Variants in AHCTF1 observed in about 807,000 individuals in gnomAD.
The protein encoded by AHCTF1 is AT-hook containing transcription factor 1, also known as protein ELYS.
In AHCTF1, 24 loss-of-function variants were observed where a neutral mutation model predicts 248.4. The observed-to-expected ratio is 0.10, with a 90% CI of 0.07 to 0.14. AHCTF1 has a LOEUF of 0.14. AHCTF1 is among the 10% of genes least tolerant of loss of function. The pLI, the probability that AHCTF1 is intolerant of heterozygous loss-of-function variation, is 1.00. For missense variants in AHCTF1, 2,206 were observed against 2,636.2 expected, an observed-to-expected ratio of 0.84 and a Z score of 3.57; for synonymous variants, 786 against 929.8, an observed-to-expected ratio of 0.85 and a Z score of 2.81.
chr1:246,867,929 G>A (rs547750705), intron 24 of AHCTF1, 118 bp from the exon 25 acceptor site: 3 of 331,714 alleles, frequency 9.0e-6, no homozygotes, highest in Non-Finnish European at 1.4e-5. Context: ...ACATTACGTG[G>A]TAATACTAGC....
intron 13 of AHCTF1, 104 bp from the exon 14 acceptor site, chr1:246,894,852 A>G: frequency 2.2e-6 from 2 of 902,086 alleles, no homozygotes; most frequent in Non-Finnish European, 3.5e-6. Flanking sequence ...AACCGAGTGA[A>G]CATCAACACT....
At chr1:246,919,479 T>C (rs1487563719) in intron 1 of AHCTF1, among the ~76,000 whole-genome samples, 1 of 150,370 alleles carries the variant, frequency 6.7e-6, no homozygotes, top group Non-Finnish European at 1.5e-5. Context: ...TTTGGGAGGC[T>C]GAGGCAGGCG....
In AHCTF1 at chr1:246,839,859, T is replaced by C. The variant is rs1284644598; in HGVS notation, c.*947A>G. On this transcript the variant is annotated 3_prime_UTR_variant, in exon 36 of 36. Coordinates refer to ENST00000648844, the MANE Select transcript of AHCTF1 (RefSeq NM_001323342.2). Reference sequence around the variant, plus strand: ...TAGAGAACAGGGCGTGTGTTGTTTTTCTCCTTTTCTACATCTACTCACTCT... The same window carrying C: ...TAGAGAACAGGGCGTGTGTTGTTTTCCTCCTTTTCTACATCTACTCACTCT... The C allele has an allele frequency of 6.6e-6, 1 of 152,656 alleles. No homozygotes were observed. The highest frequency in any genetic ancestry group is 1.5e-5 in the Non-Finnish European group (1 of 68,054). The allele number at this position is 152,656 out of a possible 1,614,324, so 9.5% of individuals were successfully genotyped here.
chr1:246,923,740 CGTGT>C (rs74456165), intron 1 of AHCTF1, among the ~76,000 whole-genome samples: 41,928 of 151,346 alleles, frequency 0.28, 5,972 homozygotes, highest in Admixed American at 0.32. Flanking sequence ...TGCGTGCATG[CGTGT>C]GTGTGTGTGT....
intron 1 of AHCTF1, among the ~76,000 whole-genome samples, chr1:246,928,088 T>C (rs528812461): frequency 2.0e-5 from 3 of 151,964 alleles, no homozygotes; most frequent in South Asian, 2.1e-4. Flanking sequence ...GATCACGAGG[T>C]CAGGAGATCG....
Position 246,877,342 on chromosome 1 carries a change from C to A in AHCTF1, c.2661-40G>T, listed in dbSNP as rs371036535. Reference sequence around the variant, plus strand: ...TATCAAAGTTTAGTTTTAGAAAAAGCTATTTAAATGTACAAAACAAGAAAT... The same window carrying A: ...TATCAAAGTTTAGTTTTAGAAAAAGATATTTAAATGTACAAAACAAGAAAT... On this transcript the variant is annotated intron_variant, in intron 21 of 35. Coordinates refer to ENST00000648844, the MANE Select transcript of AHCTF1 (RefSeq NM_001323342.2). 39 of 1,512,324 alleles carry A rather than the reference C, an allele frequency of 2.6e-5. 1 individual carries two copies. The African/African-American group carries it at 3.9e-4, about 15-fold the overall frequency. The allele number at this position is 1,512,324 out of a possible 1,614,324, so 93.7% of individuals were successfully genotyped here.
intron 24 of AHCTF1, among the ~76,000 whole-genome samples, chr1:246,869,787 A>G (rs1433076540): frequency 6.6e-6 from 1 of 152,184 alleles, no homozygotes; most frequent in East Asian, 1.9e-4. Flanking sequence ...CTGATGATGT[A>G]CAGGGAGACG....
chr1:246,905,473 G>A (rs1467138060), intron 6 of AHCTF1, 68 bp downstream of exon 6: 2 of 1,312,176 alleles, frequency 1.5e-6, no homozygotes, highest in African/African-American at 2.9e-5. Context: ...CTCCAGCCTG[G>A]ACAACAGAGC....
intron 2 of AHCTF1, among the ~76,000 whole-genome samples, chr1:246,916,923 A>G (rs147142698): frequency 6.6e-6 from 1 of 152,332 alleles, no homozygotes; most frequent in Non-Finnish European, 1.5e-5. Context: ...TTCTATCCCT[A>G]AAGAGTTCAC....
intron 26 of AHCTF1, among the ~76,000 whole-genome samples, chr1:246,865,921 A>T (rs536873977): frequency 3.3e-4 from 51 of 152,298 alleles, no homozygotes; most frequent in African/African-American, 1.2e-3. Context: ...TATTTAAAAA[A>T]TTGATTTATG....
intron 20 of AHCTF1, 89 bp downstream of exon 20, chr1:246,887,122 C>G: frequency 7.0e-7 from 1 of 1,423,978 alleles, no homozygotes; most frequent in Non-Finnish European, 9.5e-7. Context: ...TAGACTGTAT[C>G]ATATCTTTTA....
In AHCTF1 at chr1:246,890,945, A is replaced by G; in HGVS notation, c.2050+11T>C. The G allele has an allele frequency of 6.8e-7, 1 of 1,479,008 alleles. No individual in the cohort carries two copies. The highest frequency in any genetic ancestry group is 1.4e-5 in the African/African-American group (1 of 69,676). The allele number at this position is 1,479,008 out of a possible 1,614,324, so 91.6% of individuals were successfully genotyped here. On this transcript the variant is annotated intron_variant, in intron 16 of 35. Transcript: ENST00000648844. ...TTTAATTAATACTTATAGATTAAGT[A>G]AATATTTTACCTATGCCTTCTGGTA...
chr1:246,859,688 C>T (rs963399699), intron 29 of AHCTF1, among the ~76,000 whole-genome samples: 1 of 152,156 alleles, frequency 6.6e-6, no homozygotes, highest in African/African-American at 2.4e-5. Context: ...CGATCCTCCC[C>T]TCTCAGTGTC....
chr1:246,860,468 G>A (rs1661454728), intron 29 of AHCTF1, among the ~76,000 whole-genome samples: 1 of 152,048 alleles, frequency 6.6e-6, no homozygotes, highest in African/African-American at 2.4e-5. Context: ...ATGAAACAAT[G>A]TAAGCCACAC....
intron 13 of AHCTF1, among the ~76,000 whole-genome samples, chr1:246,895,529 C>A (rs1664512318): frequency 6.6e-6 from 1 of 152,012 alleles, no homozygotes. Flanking sequence ...TGCATAATTC[C>A]ATTTATGAAC....
chr1:246,923,937 C>A (rs979429591), intron 1 of AHCTF1, among the ~76,000 whole-genome samples: 1 of 152,158 alleles, frequency 6.6e-6, no homozygotes, highest in Non-Finnish European at 1.5e-5. Flanking sequence ...GAGAAGAGGG[C>A]CATGTTTCAG....
Position 246,885,474 on chromosome 1 carries a change from T to C in AHCTF1, c.2660+19A>G. The C allele has an allele frequency of 6.4e-7, 1 of 1,564,420 alleles. No individual in the cohort carries two copies. Among genetic ancestry groups the C allele is most frequent in the Non-Finnish European group, 8.7e-7 (1 of 1,147,142 alleles). On this transcript the variant is annotated intron_variant, in intron 21 of 35. Transcript: ENST00000648844. ...AACAGATACGATAAAGACTTTATAGTTTCAAAAGATGTACTTACCTATTAA... is the reference window on the plus strand; with the variant it reads ...AACAGATACGATAAAGACTTTATAGCTTCAAAAGATGTACTTACCTATTAA...
chr1:246,848,833 G>C (rs1330631890), intron 33 of AHCTF1, among the ~76,000 whole-genome samples: 1 of 143,522 alleles, frequency 7.0e-6, no homozygotes, highest in Non-Finnish European at 1.5e-5. Flanking sequence ...CTGGGCGACA[G>C]AGTGAGACTC....
At chr1:246,875,221 C>G (rs1419705184) in intron 24 of AHCTF1, among the ~76,000 whole-genome samples, 2 of 152,012 alleles carry the variant, frequency 1.3e-5, no homozygotes, top group Admixed American at 6.6e-5. Flanking sequence ...CTCCATAAAA[C>G]CCTCCTGTCA....
Sources: allele counts gnomAD v4.1 joint callset (sites outside exome capture counted in the v4.1 genomes callset), GRCh38; gene constraint gnomAD v4.1.1; transcripts MANE v1.5; gene names NCBI Gene and HGNC (gene_info 2026-07-23, HGNC 2026-07-21).